Variants in SCN4B observed in about 807,000 individuals in gnomAD.
SCN4B encodes sodium voltage-gated channel beta subunit 4, also known as sodium channel regulatory subunit beta-4.
Under a neutral mutation model 19.6 loss-of-function variants are expected in SCN4B, and 20 were observed. The ratio of observed to expected loss-of-function variants is 1.02; its 90% CI spans 0.72 to 1.48. The LOEUF (loss-of-function observed/expected upper bound fraction) is 1.48, where lower values mean the gene tolerates loss of function less well. SCN4B is among the 40% of genes most tolerant of loss of function. The pLI is 0.00. For synonymous variants in SCN4B, 127 were observed against 122.8 expected (o/e 1.03, Z -0.22); for missense variants, 271 against 287.5 (o/e 0.94, Z 0.42).
chr11:118,138,634 G>T (rs532388956), intron 4 of SCN4B, among the ~76,000 whole-genome samples: 1 of 152,250 alleles, frequency 6.6e-6, no homozygotes, highest in South Asian at 2.1e-4. Flanking sequence ...TGTCGGAAAC[G>T]TGCACTCTCC....
rs1472630172 is a variant in SCN4B at position 118,134,806 on chromosome 11, GC to G, written c.*2220del. On this transcript the variant is annotated 3_prime_UTR_variant, in exon 5 of 5. Coordinates refer to ENST00000324727, the MANE Select transcript of SCN4B (RefSeq NM_174934.4). ...CCTGGCTTCCCAGATCCCTTTCCAA[GC>G]CAAAAAGATGTTTTTAGACAAAACT... The G allele has an allele frequency of 2.2e-6, 1 of 453,932 alleles. No homozygotes were observed. The highest frequency in any genetic ancestry group is 4.4e-6 in the Non-Finnish European group (1 of 226,770). 28.1% of individuals were successfully genotyped at this position (453,932 alleles called of 1,614,324 possible). A position where few individuals can be genotyped will look rare whatever the true frequency, so the allele number is the denominator to read the frequency against.
chr11:118,139,995 C>T (rs776726768), intron 4 of SCN4B, among the ~76,000 whole-genome samples: 15 of 151,804 alleles, frequency 9.9e-5, no homozygotes, highest in Non-Finnish European at 1.6e-4. Context: ...GCCTCAGCCC[C>T]CCAGGGAGCT....
In SCN4B at chr11:118,139,314, A is replaced by G. The variant is rs566924349; in HGVS notation, c.593+1893T>C. On this transcript the variant is annotated intron_variant, in intron 4 of 4. Coordinates refer to ENST00000324727, the MANE Select transcript of SCN4B (RefSeq NM_174934.4). ...TTCCCTTTACTCTCCCCAGGGCTTA[A>G]GTTATATTAATCTTGCAAGGCCTGC... is the stretch of plus-strand genomic sequence containing the variant. Among the ~76,000 whole-genome samples the G allele has an allele frequency of 3.9e-5, 6 of 152,034 alleles. No homozygotes were observed. In the South Asian group the frequency reaches 1.0e-3, roughly 26 times the overall value.
Position 118,145,135 on chromosome 11 carries a change from G to C in SCN4B, c.156C>G (p.Pro52=), listed in dbSNP as rs1263610504. The C allele has an allele frequency of 6.2e-7, 1 of 1,614,192 alleles. No individual in the cohort carries two copies. The highest frequency in any genetic ancestry group is 1.7e-5 in the Admixed American group (1 of 60,022). The part of the protein sequence containing the change: ...YAVNGTEILL[P]CTFSSCFGFE... ...AGCCAAAGCAGCTGGAGAAGGTGCA[G>C]GGCAGCAGGATCTCCGTGCCATTGA... is the stretch of plus-strand genomic sequence containing the variant. Residue 52 remains proline, a synonymous_variant, in exon 2 of 5, where the codon CCC becomes CCG. Transcript: ENST00000324727.
Position 118,135,075 on chromosome 11 carries a change from G to T in SCN4B, c.*1952C>A, listed in dbSNP as rs1283408198. ...AAATGTCACCATTGAGAAGGAAGAA[G>T]AAAACAGTTTTGCATGAAGGTAGCT... is the stretch of plus-strand genomic sequence containing the variant. On this transcript the variant is annotated 3_prime_UTR_variant, in exon 5 of 5. Transcript: ENST00000324727. The T allele has an allele frequency of 4.4e-6, 2 of 454,028 alleles. No homozygotes were observed. Among genetic ancestry groups the T allele is most frequent in the African/African-American group, 4.0e-5 (2 of 50,004 alleles). 28.1% of individuals were successfully genotyped at this position (454,028 alleles called of 1,614,324 possible). A position where few individuals can be genotyped will look rare whatever the true frequency, so the allele number is the denominator to read the frequency against.
intron 4 of SCN4B, among the ~76,000 whole-genome samples, chr11:118,140,884 G>C (rs987680968): frequency 6.6e-5 from 10 of 152,106 alleles, no homozygotes; most frequent in African/African-American, 2.2e-4. Flanking sequence ...AAGTCCTTTG[G>C]TAAGGCTCTC....
At chr11:118,150,393 T>G (rs1208677308) in intron 1 of SCN4B, among the ~76,000 whole-genome samples, 1 of 152,186 alleles carries the variant, frequency 6.6e-6, no homozygotes, top group African/African-American at 2.4e-5. Flanking sequence ...GGGAGTTCAC[T>G]GCTCTGTACC....
chr11:118,141,519 C>T, intron 3 of SCN4B, 183 bp from the exon 4 acceptor site: 1 of 683,154 alleles, frequency 1.5e-6, no homozygotes. Context: ...CAGAGCATGG[C>T]ATCTATCAGG....
At position 118,136,308 on chromosome 11, in the gene SCN4B, C is replaced by G. The variant is rs949844061; in HGVS notation, c.*719G>C. On this transcript the variant is annotated 3_prime_UTR_variant, in exon 5 of 5. Transcript: ENST00000324727. The stretch of plus-strand genomic sequence containing the variant: ...TACTCCAGGAAGGCTCGAGGGGCCC[C>G]TTCCTGAGCCCCTCAGTAACCCAGA... 1 of 453,910 alleles carries G rather than the reference C, an allele frequency of 2.2e-6. No homozygotes were observed. Among genetic ancestry groups the G allele is most frequent in the South Asian group, 1.6e-5 (1 of 64,480 alleles). 28.1% of individuals were successfully genotyped at this position (453,910 alleles called of 1,614,324 possible).
rs5795117 is a variant in SCN4B, at chr11:118,136,037, TGGG to T, written c.*987_*989del. The stretch of plus-strand genomic sequence containing the variant: ...GGGCAGGGCGTGATGGAGGGCACGG[TGGG>T]GGGGGGGGAGCGAGCCAATGGGAGG... On this transcript the variant is annotated 3_prime_UTR_variant, in exon 5 of 5. Coordinates refer to ENST00000324727, the MANE Select transcript of SCN4B (RefSeq NM_174934.4). 1.4e-5 allele frequency: 5 copies of T among 363,536 alleles called. No homozygotes were observed. The highest frequency in any genetic ancestry group is 2.7e-5 in the Non-Finnish European group (5 of 182,290). The allele number at this position is 363,536 out of a possible 1,614,324, so 22.5% of individuals were successfully genotyped here.
chr11:118,152,437 C>T (rs1948243167), intron 1 of SCN4B, among the ~76,000 whole-genome samples, 176 bp downstream of exon 1: 1 of 152,172 alleles, frequency 6.6e-6, no homozygotes, highest in African/African-American at 2.4e-5. Flanking sequence ...GCACACGGTC[C>T]CCAGGGAGCA....
Position 118,135,787 on chromosome 11 carries a change from C to T in SCN4B, c.*1240G>A, listed in dbSNP as rs954895744. The T allele has an allele frequency of 4.4e-6, 2 of 454,460 alleles. No homozygotes were observed. Among genetic ancestry groups the T allele is most frequent in the Admixed American group, 4.7e-5 (2 of 42,574 alleles). The allele number at this position is 454,460 out of a possible 1,614,324, so 28.2% of individuals were successfully genotyped here. A position where few individuals can be genotyped will look rare whatever the true frequency, so the allele number is the denominator to read the frequency against. On this transcript the variant is annotated 3_prime_UTR_variant, in exon 5 of 5. Coordinates refer to ENST00000324727, the MANE Select transcript of SCN4B (RefSeq NM_174934.4). ...TAAGGGCTAGGATTCAGGACTAAGG[C>T]ACATTCTAGCCCCACACACAAGGGC... is the stretch of plus-strand genomic sequence containing the variant.
Position 118,152,817 on chromosome 11 carries a change from A to G in SCN4B, c.-144T>C, listed in dbSNP as rs1440882337. On this transcript the variant is annotated 5_prime_UTR_variant, in exon 1 of 5. Transcript: ENST00000324727. ...TCGGGGCTCGGGAAAGTTAGCGGGC[A>G]GAGAGCGAGAGGAGGGGGAGGGAGG... 5 of 530,074 alleles carry G rather than the reference A, an allele frequency of 9.4e-6. No individual in the cohort carries two copies. In the East Asian group the frequency reaches 1.7e-4, roughly 18 times the overall value. 32.8% of individuals were successfully genotyped at this position (530,074 alleles called of 1,614,324 possible).
At position 118,145,581 on chromosome 11, in the gene SCN4B, T is replaced by C. The variant is rs566968638; in HGVS notation, c.62-352A>G. 7.4e-5 allele frequency: 55 copies of C among 740,102 alleles called. No individual in the cohort carries two copies. The East Asian group carries it at 8.5e-4, about 11-fold the overall frequency. The allele number at this position is 740,102 out of a possible 1,614,324, so 45.8% of individuals were successfully genotyped here. The stretch of plus-strand genomic sequence containing the variant: ...GGGACGCAGTGCCTGGAAGCGCTCC[T>C]GCCGCACCCACTCCAGGACGCGCAG... On this transcript the variant is annotated intron_variant, in intron 1 of 4. Coordinates refer to ENST00000324727, the MANE Select transcript of SCN4B (RefSeq NM_174934.4).
At chr11:118,142,868 A>G (rs1351719905) in intron 3 of SCN4B, 1 of 137,432 alleles carries the variant, frequency 7.3e-6, no homozygotes, top group East Asian at 2.1e-4. Context: ...AAGCCCAGAC[A>G]GAAAGGAAGA....
At chr11:118,143,169 C>A (rs944884997) in intron 3 of SCN4B, among the ~76,000 whole-genome samples, 3 of 152,214 alleles carry the variant, frequency 2.0e-5, no homozygotes, top group Non-Finnish European at 1.5e-5. Flanking sequence ...ATCATATCCT[C>A]CTTCTCTAAC....
chr11:118,137,169 G>A (rs775111204), intron 4 of SCN4B, 49 bp from the exon 5 acceptor site: 1 of 1,396,932 alleles, frequency 7.2e-7, no homozygotes, highest in East Asian at 2.3e-5. Context: ...AGCAAGAGTA[G>A]GGGGAGAATT....
At chr11:118,145,373 C>A in intron 1 of SCN4B, 144 bp from the exon 2 acceptor site, 1 of 1,535,704 alleles carries the variant, frequency 6.5e-7, no homozygotes. Flanking sequence ...TGGCTGTCTA[C>A]TCCAATCAGC....
At chr11:118,138,566 A>C (rs770735190) in intron 4 of SCN4B, among the ~76,000 whole-genome samples, 6 of 152,016 alleles carry the variant, frequency 3.9e-5, no homozygotes, top group Non-Finnish European at 8.8e-5. Flanking sequence ...GACCCACCGA[A>C]CTGTATTCCA....
Sources: allele counts gnomAD v4.1 joint callset (sites outside exome capture counted in the v4.1 genomes callset), GRCh38; gene constraint gnomAD v4.1.1; transcripts MANE v1.5; gene names NCBI Gene and HGNC (gene_info 2026-07-23, HGNC 2026-07-21).